Variants in USP20 observed in about 807,000 individuals in gnomAD.
The protein encoded by USP20 is ubiquitin carboxyl-terminal hydrolase 20.
USP20 carries 80 observed loss-of-function variants against 124.2 expected under a neutral mutation model. The observed-to-expected ratio is 0.64, with a 90% CI of 0.54 to 0.78. The LOEUF is 0.78. Ranked by LOEUF, USP20 falls within the 30% of genes least tolerant of loss-of-function variation. The probability of loss-of-function intolerance (pLI) is 0.00; values close to 1 mark genes in which losing one functional copy is unlikely to be tolerated. For missense variants in USP20, 1,043 were observed against 1,244.4 expected (o/e 0.84, Z 2.44); for synonymous variants, 481 against 512.3 (o/e 0.94, Z 0.83).
chr9:129,856,501 A>G (rs916669586), intron 4 of USP20, 141 bp downstream of exon 4: 13 of 926,566 alleles, frequency 1.4e-5, no homozygotes, highest in African/African-American at 1.6e-5. Flanking sequence ...GGGCTGGGGC[A>G]CAGGGGCACA....
Position 129,875,628 on chromosome 9 carries a change from C to T in USP20, c.2287C>T (p.His763Tyr), listed in dbSNP as rs370836055. ...CATCCTGCCCCAGAACGTCTGGGAG[C>T]ACCTGTACAACAGGTGAGAGCCTGG... ...VVILPQNVWE[H>Y]LYNRFGGGPA... The change falls in exon 21 of 26, where the codon CAC becomes TAC. Residue 763 changes from histidine to tyrosine, a missense_variant. By Grantham distance (83) the His-to-Tyr change is moderately conservative. Transcript: ENST00000372429. The T allele has an allele frequency of 6.2e-7, 1 of 1,613,908 alleles. No homozygotes were observed. Among genetic ancestry groups the T allele is most frequent in the African/African-American group, 1.3e-5 (1 of 74,922 alleles).
intron 3 of USP20, among the ~76,000 whole-genome samples, chr9:129,854,031 A>T (rs2033084363): frequency 6.6e-6 from 1 of 152,202 alleles, no homozygotes; most frequent in African/African-American, 2.4e-5. Context: ...CCTTCCCAGT[A>T]AAAGAGGTAG....
intron 23 of USP20, among the ~76,000 whole-genome samples, 198 bp downstream of exon 23, chr9:129,878,638 A>G (rs1390052451): frequency 1.3e-5 from 2 of 152,152 alleles, no homozygotes; most frequent in African/African-American, 4.8e-5. Flanking sequence ...AGAGGCAGGA[A>G]GCTGCTCCTG....
At chr9:129,846,323 A>G (rs2032567203) in intron 1 of USP20, among the ~76,000 whole-genome samples, 1 of 123,912 alleles carries the variant, frequency 8.1e-6, no homozygotes, top group African/African-American at 3.1e-5. Context: ...TGGTGCCATC[A>G]TAGCTCACTG....
At chr9:129,846,460 G>A (rs377707605) in intron 1 of USP20, among the ~76,000 whole-genome samples, 1 of 149,174 alleles carries the variant, frequency 6.7e-6, no homozygotes. Context: ...GTTTCACCAT[G>A]TTGCCCAGGC....
chr9:129,873,156 A>G (rs1361243793), intron 15 of USP20, among the ~76,000 whole-genome samples: 1 of 136,356 alleles, frequency 7.3e-6, no homozygotes, highest in Non-Finnish European at 1.5e-5. Context: ...AGCTCACTGC[A>G]GCCTCTGCCC....
rs33939524 is a variant in USP20, at chr9:129,860,335, G to GAA, written c.331-592_331-591dup. On this transcript the variant is annotated intron_variant, in intron 6 of 25. Transcript: ENST00000372429. ...ACAGAGCGAGACTCTGTCTCAAAAAGAAAAAAAAAAACGTCTACATAAGAT... is the reference window on the plus strand; with the variant it reads ...ACAGAGCGAGACTCTGTCTCAAAAAGAAAAAAAAAAAAACGTCTACATAAGAT... Among the ~76,000 whole-genome samples, 198 of 149,204 alleles carry GAA rather than the reference G, an allele frequency of 1.3e-3. 1 individual carries two copies. The highest frequency in any genetic ancestry group is 1.8e-3 in the Non-Finnish European group (120 of 67,224).
chr9:129,858,722 A>G, intron 6 of USP20, 124 bp downstream of exon 6: 1 of 1,400,914 alleles, frequency 7.1e-7, no homozygotes, highest in African/African-American at 1.4e-5. Flanking sequence ...CTGGGTCAGT[A>G]TGTTTTCAGG....
chr9:129,874,872 G>A lies in USP20; in HGVS notation c.1965G>A (p.Gln655=). 2 of 1,614,146 alleles carry A rather than the reference G, an allele frequency of 1.2e-6. No individual in the cohort carries two copies. The highest frequency in any genetic ancestry group is 1.7e-6 in the Non-Finnish European group (2 of 1,180,034). The part of the protein sequence containing the change: ...IAYCQNVING[Q]WYEFDDQYVT... The stretch of plus-strand genomic sequence containing the variant: ...ACTGCCAGAACGTGATCAATGGGCA[G>A]TGGTACGAGTTTGATGACCAGTACG... Residue 655 remains glutamine, a synonymous_variant, in exon 19 of 26, where the codon CAG becomes CAA. Transcript: ENST00000372429.
At chr9:129,844,701 A>G (rs2032437035) in intron 1 of USP20, among the ~76,000 whole-genome samples, 1 of 150,690 alleles carries the variant, frequency 6.6e-6, no homozygotes. Context: ...AGGTAACCAT[A>G]TTTTTTTTCC....
intron 1 of USP20, among the ~76,000 whole-genome samples, chr9:129,842,499 A>G (rs184625391): frequency 9.5e-4 from 144 of 152,182 alleles, no homozygotes; most frequent in Non-Finnish European, 1.9e-4. Context: ...TTGGTTGGGT[A>G]CCAAAAGGAA....
At chr9:129,869,189 G>T in intron 12 of USP20, 121 bp from the exon 13 acceptor site, 2 of 1,324,070 alleles carry the variant, frequency 1.5e-6, no homozygotes, top group Non-Finnish European at 2.1e-6. Context: ...ATGGTGAATT[G>T]CTTACCCAGT....
chr9:129,875,359 G>A lies in USP20; in HGVS notation c.2098G>A (p.Ala700Thr), dbSNP rs2131098458. 1 of 1,612,754 alleles carries A rather than the reference G, an allele frequency of 6.2e-7. No individual in the cohort carries two copies. Among genetic ancestry groups the A allele is most frequent in the Non-Finnish European group, 8.5e-7 (1 of 1,179,766 alleles). Residue 700 changes from alanine to threonine, a missense_variant, in exon 20 of 26, where the codon GCC (alanine) becomes ACC (threonine). Physicochemically the swap from Ala to Thr is moderately conservative, Grantham distance 58. Coordinates refer to ENST00000372429, the MANE Select transcript of USP20 (RefSeq NM_001110303.4). ...MRERQQVVSL[A>T]AMREPSLLRF... ...GGAGCGACAGCAGGTGGTGTCCCTG[G>A]CCGCCATGCGGGAGCCCAGCCTGCT...
At chr9:129,855,930 C>A (rs77115123) in intron 3 of USP20, among the ~76,000 whole-genome samples, 1,955 of 152,160 alleles carry the variant, frequency 0.013, 20 homozygotes, top group Middle Eastern at 0.024. Context: ...GCGCCCTTGT[C>A]TAATGGGGAG....
chr9:129,844,347 T>G (rs921359223), intron 1 of USP20, among the ~76,000 whole-genome samples: 1 of 152,090 alleles, frequency 6.6e-6, no homozygotes, highest in Non-Finnish European at 1.5e-5. Flanking sequence ...TATATCTGGT[T>G]GGGCATGGTG....
chr9:129,854,055 C>CT (rs2033085628), intron 3 of USP20, among the ~76,000 whole-genome samples: 1 of 152,280 alleles, frequency 6.6e-6, no homozygotes, highest in South Asian at 2.1e-4. Context: ...TGACAAGAAA[C>CT]TTTCTGAAAA....
Position 129,856,352 on chromosome 9 carries a change from T to C in USP20, c.127T>C (p.Cys43Arg). 6.2e-7 allele frequency: 1 copy of C among 1,614,144 alleles called. No homozygotes were observed. Among genetic ancestry groups the C allele is most frequent in the Non-Finnish European group, 8.5e-7 (1 of 1,180,002 alleles). ...GGTCACCGGACCAAACCTATGGGCC[T>C]GTCTGCAGGTAAAAGACCCTTGTGG... ...CGVTGPNLWA[C>R]LQVACPYVGC... Residue 43 changes from cysteine (C) to arginine (R), a missense_variant, in exon 4 of 26, where the codon TGT becomes CGT. Physicochemically the swap from Cys to Arg is radical, Grantham distance 180. Coordinates refer to ENST00000372429, the MANE Select transcript of USP20 (RefSeq NM_001110303.4).
Position 129,861,670 on chromosome 9 carries a change from G to A in USP20, c.497+58G>A, listed in dbSNP as rs112956942. On this transcript the variant is annotated intron_variant, in intron 8 of 25. Transcript: ENST00000372429. ...TGTCCCTGGCAAAGCCCCGGAAACAGCAGCAGTAGCAGCCCCCAGCCGGTT... is the reference window on the plus strand; with the variant it reads ...TGTCCCTGGCAAAGCCCCGGAAACAACAGCAGTAGCAGCCCCCAGCCGGTT... The A allele has an allele frequency of 6.0e-5, 92 of 1,529,702 alleles. No homozygotes were observed. The African/African-American group carries it at 9.6e-4, about 16-fold the overall frequency. 94.8% of individuals were successfully genotyped at this position (1,529,702 alleles called of 1,614,324 possible).
intron 19 of USP20, 58 bp downstream of exon 19, chr9:129,875,013 A>C: frequency 6.3e-7 from 1 of 1,591,340 alleles, no homozygotes; most frequent in African/African-American, 1.3e-5. Flanking sequence ...CCTGGGACCC[A>C]TGGGCCTTCT....
Sources: allele counts gnomAD v4.1 joint callset (sites outside exome capture counted in the v4.1 genomes callset), GRCh38; gene constraint gnomAD v4.1.1; transcripts MANE v1.5; gene names NCBI Gene and HGNC (gene_info 2026-07-23, HGNC 2026-07-21).